The following MYO16 variants were observed in gnomAD, a reference collection of about 807,000 sequenced individuals.
MYO16 encodes the protein unconventional myosin-XVI.
Under a neutral mutation model 205.3 loss-of-function variants are expected in MYO16, and 94 were observed. The observed-to-expected ratio is 0.46, with a 90% CI of 0.39 to 0.54. The LOEUF (loss-of-function observed/expected upper bound fraction) is 0.54, where lower values mean the gene tolerates loss of function less well. Ranked by LOEUF, MYO16 falls within the 20% of genes least tolerant of loss-of-function variation. The pLI is 0.00. For missense variants in MYO16, 2,315 were observed against 2,387.5 expected (o/e 0.97, Z 0.63); for synonymous variants, 988 against 954.0 (o/e 1.04, Z -0.66).
At chr13:109,029,972 A>G (rs1886496804) in intron 23 of MYO16, among the ~76,000 whole-genome samples, 1 of 152,196 alleles carries the variant, frequency 6.6e-6, no homozygotes, top group South Asian at 2.1e-4. Context: ...TTGATAGTTT[A>G]TGGCTAGTTG....
chr13:109,139,653 G>A (rs1363597181), intron 31 of MYO16, among the ~76,000 whole-genome samples: 1 of 152,110 alleles, frequency 6.6e-6, no homozygotes, highest in African/African-American at 2.4e-5. Context: ...CCCTTTTAAG[G>A]GCTTACAAGT....
chr13:108,955,724 G>T (rs540080359), intron 16 of MYO16, among the ~76,000 whole-genome samples: 1 of 152,104 alleles, frequency 6.6e-6, no homozygotes, highest in South Asian at 2.1e-4. Context: ...GGTGGCAGGC[G>T]CCTGTAATCC....
chr13:108,687,936 G>T (rs1882743239), intron 2 of MYO16, among the ~76,000 whole-genome samples: 1 of 152,108 alleles, frequency 6.6e-6, no homozygotes, highest in Non-Finnish European at 1.5e-5. Context: ...GAACGATGAG[G>T]AGCCTAAAAC....
intron 4 of MYO16, among the ~76,000 whole-genome samples, chr13:108,766,448 G>A (rs572580198): frequency 1.3e-5 from 2 of 152,330 alleles, no homozygotes; most frequent in East Asian, 1.9e-4. Context: ...TGAGCTTTGG[G>A]AAAAGAGATA....
At position 109,193,454 on chromosome 13, in the gene MYO16, A is replaced by G. The variant is rs552944002; in HGVS notation, c.5416-13155A>G. ...TTCCAATTATAGCTGATGTTTTAAA[A>G]TCTAGTTGGATTGGGTTCTGTTACA... On this transcript the variant is annotated intron_variant, in intron 34 of 34. Coordinates refer to ENST00000457511, the MANE Select transcript of MYO16 (RefSeq NM_001198950.3). Among the ~76,000 whole-genome samples the G allele has an allele frequency of 3.3e-5, 5 of 152,290 alleles. No individual in the cohort carries two copies. In the East Asian group the frequency reaches 9.6e-4, roughly 29 times the overall value.
intron 34 of MYO16, among the ~76,000 whole-genome samples, chr13:109,202,475 A>T (rs1203730198): frequency 6.6e-6 from 1 of 152,078 alleles, no homozygotes; most frequent in Admixed American, 6.5e-5. Context: ...GCATTTTTTC[A>T]TATGTTTGTT....
intron 1 of MYO16, among the ~76,000 whole-genome samples, chr13:108,618,701 G>C (rs920327307): frequency 2.0e-5 from 3 of 152,158 alleles, no homozygotes; most frequent in Admixed American, 2.0e-4. Context: ...GTCAATAGTT[G>C]TTGAATGAGT....
chr13:109,104,157 G>A (rs1889054387), intron 28 of MYO16, among the ~76,000 whole-genome samples: 1 of 152,110 alleles, frequency 6.6e-6, no homozygotes, highest in African/African-American at 2.4e-5. Context: ...CCAACGTCTA[G>A]CTTTTCCTAT....
intron 12 of MYO16, among the ~76,000 whole-genome samples, chr13:108,876,121 A>C (rs1488243242): frequency 6.6e-6 from 1 of 152,100 alleles, no homozygotes; most frequent in East Asian, 1.9e-4. Flanking sequence ...GCTGGACTAA[A>C]ACTCCTCAGT....
intron 23 of MYO16, 76 bp downstream of exon 23, chr13:109,019,987 GA>G: frequency 7.1e-7 from 1 of 1,404,932 alleles, no homozygotes. Context: ...TAGAGTTATT[GA>G]TATTTTAAGG....
intron 2 of MYO16, among the ~76,000 whole-genome samples, chr13:108,680,119 C>T (rs555581467): frequency 9.9e-5 from 15 of 152,230 alleles, no homozygotes; most frequent in Admixed American, 1.3e-4. Context: ...CCTGGAGCTG[C>T]TCCAATCCCA....
intron 2 of MYO16, among the ~76,000 whole-genome samples, chr13:108,692,824 T>C (rs1882950467): frequency 6.6e-6 from 1 of 152,186 alleles, no homozygotes; most frequent in Non-Finnish European, 1.5e-5. Flanking sequence ...GCATGTGACT[T>C]ATCTGACTCT....
intron 1 of MYO16, among the ~76,000 whole-genome samples, chr13:108,656,618 A>G (rs992530453): frequency 6.6e-6 from 1 of 152,258 alleles, no homozygotes; most frequent in South Asian, 2.1e-4. Context: ...CATCAGATAA[A>G]TAAATATACA....
intron 23 of MYO16, among the ~76,000 whole-genome samples, chr13:109,035,545 G>T (rs906862217): frequency 6.6e-6 from 1 of 152,118 alleles, no homozygotes; most frequent in Non-Finnish European, 1.5e-5. Flanking sequence ...TTAGCCGGGC[G>T]TGGTGGTGTA....
intron 15 of MYO16, among the ~76,000 whole-genome samples, chr13:108,905,131 G>C (rs7322602): frequency 1.3e-5 from 2 of 151,972 alleles, no homozygotes; most frequent in Non-Finnish European, 2.9e-5. Flanking sequence ...CTTCATACAG[G>C]GTAGCTGGGC....
At chr13:108,885,637 G>C (rs1045216834) in intron 13 of MYO16, among the ~76,000 whole-genome samples, 2 of 152,192 alleles carry the variant, frequency 1.3e-5, no homozygotes, top group African/African-American at 4.8e-5. Flanking sequence ...AATGTTTATT[G>C]AGAATTTACT....
the MYO16 span, among the ~76,000 whole-genome samples, chr13:108,558,856 TTTCATTTCAAAA>T: frequency 2.0e-5 from 3 of 152,316 alleles, no homozygotes; most frequent in Middle Eastern, 3.4e-3. Flanking sequence ...TTTGTATTAT[TTTCATTTCAAAA>T]TTCATTTCAA....
rs1875975296 is a variant in MYO16 at position 108,821,628 on chromosome 13, G to A, written c.943+1216G>A. Among the ~76,000 whole-genome samples, 8 of 152,252 alleles carry A rather than the reference G, an allele frequency of 5.3e-5. No individual in the cohort carries two copies. The South Asian group carries it at 1.7e-3, about 32-fold the overall frequency. ...CCTGGCTTATTTCCCAGACAAGGGAGGATATGACTGACCTTTGACTACATG... is the reference window on the plus strand; with the variant it reads ...CCTGGCTTATTTCCCAGACAAGGGAAGATATGACTGACCTTTGACTACATG... On this transcript the variant is annotated intron_variant, in intron 8 of 34. Coordinates refer to ENST00000457511, the MANE Select transcript of MYO16 (RefSeq NM_001198950.3).
At position 109,182,515 on chromosome 13, in the gene MYO16, G is replaced by A. The variant is rs577968144; in HGVS notation, c.5415+2882G>A. 3.5e-4 allele frequency among the ~76,000 whole-genome samples: 54 copies of A among 152,248 alleles called. 1 individual carries two copies. Among genetic ancestry groups the A allele is most frequent in the African/African-American group, 1.1e-3 (47 of 41,550 alleles). On this transcript the variant is annotated intron_variant, in intron 34 of 34. Transcript: ENST00000457511. ...CACCCACTCGCCAGACCTTTTTGTC[G>A]AAGTTCATGTCCTTCCTTAGCCTTC...
Sources: gnomAD v4.1 joint callset for allele counts (sites outside exome capture counted in the v4.1 genomes callset) on GRCh38, gnomAD v4.1.1 for gene constraint, MANE v1.5 for transcripts, NCBI Gene and HGNC (gene_info 2026-07-23, HGNC 2026-07-21) for gene names.